Variants in DNER observed in about 807,000 individuals in gnomAD.
DNER encodes the protein delta/notch like EGF repeat containing.
A neutral mutation model predicts 78.2 loss-of-function variants in DNER; 33 were observed. That is an observed-to-expected ratio of 0.42 (90% confidence interval 0.32 to 0.56). The LOEUF (loss-of-function observed/expected upper bound fraction) is 0.56. DNER is among the 20% of genes least tolerant of loss of function. The pLI, the probability that DNER is intolerant of heterozygous loss-of-function variation, is 0.11. For missense variants in DNER, 918 were observed against 975.3 expected (o/e 0.94, Z 0.78); for synonymous variants, 417 against 384.8 (o/e 1.08, Z -0.98).
chr2:229,387,591 A>AAG (rs1692918203), intron 11 of DNER, among the ~76,000 whole-genome samples: 1 of 151,558 alleles, frequency 6.6e-6, no homozygotes, highest in Admixed American at 6.6e-5. Context: ...AAGGAAGGAA[A>AAG]GAAGGAAAGG....
chr2:229,592,297 G>A (rs1441399122), intron 1 of DNER, among the ~76,000 whole-genome samples: 1 of 152,166 alleles, frequency 6.6e-6, no homozygotes, highest in African/African-American at 2.4e-5. Context: ...TTCTGGACCT[G>A]TGCAAGGTCT....
intron 4 of DNER, among the ~76,000 whole-genome samples, chr2:229,564,295 ATCCTCC>A (rs1225762985): frequency 2.1e-5 from 3 of 145,862 alleles, no homozygotes; most frequent in South Asian, 2.2e-4. Flanking sequence ...CACCATCATC[ATCCTCC>A]TCACCCCATC....
chr2:229,623,869 C>T (rs549625287), intron 1 of DNER, among the ~76,000 whole-genome samples: 30 of 152,340 alleles, frequency 2.0e-4, no homozygotes, highest in Non-Finnish European at 3.5e-4. Flanking sequence ...ACACATTCCT[C>T]TCTAAGAATC....
At chr2:229,506,865 A>G (rs1218060531) in intron 6 of DNER, among the ~76,000 whole-genome samples, 1 of 152,202 alleles carries the variant, frequency 6.6e-6, no homozygotes, top group Non-Finnish European at 1.5e-5. Context: ...TGAAAGTCAA[A>G]GTATTACAAT....
At chr2:229,568,791 C>T (rs573885452) in intron 4 of DNER, among the ~76,000 whole-genome samples, 14 of 152,226 alleles carry the variant, frequency 9.2e-5, no homozygotes, top group Non-Finnish European at 1.9e-4. Flanking sequence ...TAAACTCCTA[C>T]GCTCAGGCAA....
chr2:229,707,180 ATTTTTTTT>A (rs397868353), intron 1 of DNER, among the ~76,000 whole-genome samples: 60 of 94,610 alleles, frequency 6.3e-4, no homozygotes, highest in Admixed American at 1.5e-3. Flanking sequence ...CGGCTGGCTA[ATTTTTTTT>A]TTTTTTTTTT....
intron 10 of DNER, among the ~76,000 whole-genome samples, chr2:229,406,828 T>C (rs1356818061): frequency 8.5e-5 from 13 of 152,238 alleles, no homozygotes; most frequent in East Asian, 1.9e-4. Flanking sequence ...GACACTTTTA[T>C]ATCTTGCAAT....
chr2:229,658,671 G>A (rs1202658878), intron 1 of DNER, among the ~76,000 whole-genome samples: 1 of 151,760 alleles, frequency 6.6e-6, no homozygotes, highest in African/African-American at 2.4e-5. Context: ...TTGAATAAAA[G>A]ATGTATTTTA....
intron 1 of DNER, among the ~76,000 whole-genome samples, chr2:229,664,399 G>A (rs1268852166): frequency 2.6e-5 from 4 of 152,114 alleles, no homozygotes; most frequent in Non-Finnish European, 5.9e-5. Context: ...TCCCAGCACT[G>A]CGGGAGGCCA....
intron 7 of DNER, among the ~76,000 whole-genome samples, chr2:229,469,149 C>T (rs1411291167): frequency 2.0e-5 from 3 of 152,170 alleles, no homozygotes; most frequent in Admixed American, 6.5e-5. Context: ...TTTCTACATG[C>T]CAGATGCTTT....
intron 6 of DNER, among the ~76,000 whole-genome samples, chr2:229,510,653 G>A (rs973095951): frequency 7.9e-5 from 12 of 152,228 alleles, no homozygotes; most frequent in African/African-American, 2.9e-4. Context: ...AACGCTGGAA[G>A]ACGAGCTGTG....
chr2:229,360,351 T>C (rs557808029), intron 12 of DNER, among the ~76,000 whole-genome samples: 1 of 152,354 alleles, frequency 6.6e-6, no homozygotes, highest in Admixed American at 6.5e-5. Context: ...AACTAACTAA[T>C]TATTCGATTG....
chr2:229,359,328 G>A (rs192104352), intron 12 of DNER, among the ~76,000 whole-genome samples: 92 of 152,286 alleles, frequency 6.0e-4, no homozygotes, highest in African/African-American at 2.2e-3. Flanking sequence ...CTCGACAGCA[G>A]GACTGCCTCT....
intron 1 of DNER, among the ~76,000 whole-genome samples, chr2:229,625,626 T>A (rs1698325471): frequency 6.6e-6 from 1 of 152,190 alleles, no homozygotes. Flanking sequence ...GCTTACAGAT[T>A]ATATAAGTTG....
intron 4 of DNER, among the ~76,000 whole-genome samples, chr2:229,573,067 G>A (rs553583055): frequency 1.3e-5 from 2 of 152,158 alleles, no homozygotes; most frequent in African/African-American, 2.4e-5. Context: ...AGCAGATGAC[G>A]TGATCCCTGT....
chr2:229,517,143 A>C (rs1240945774), intron 5 of DNER, among the ~76,000 whole-genome samples: 1 of 151,350 alleles, frequency 6.6e-6, no homozygotes, highest in Non-Finnish European at 1.5e-5. Context: ...AAAATTAATA[A>C]AAGGAAACTT....
chr2:229,711,540 T>C (rs1438977646), intron 1 of DNER, among the ~76,000 whole-genome samples: 1 of 152,196 alleles, frequency 6.6e-6, no homozygotes, highest in African/African-American at 2.4e-5. Flanking sequence ...AAGACATCCT[T>C]TTTTAAAAAA....
intron 1 of DNER, among the ~76,000 whole-genome samples, chr2:229,650,443 AT>A (rs1488651544): frequency 6.6e-6 from 1 of 152,206 alleles, no homozygotes; most frequent in African/African-American, 2.4e-5. Context: ...CATTTCCGTA[AT>A]TTGGCAAACT....
intron 11 of DNER, among the ~76,000 whole-genome samples, chr2:229,375,443 C>T (rs777715768): frequency 1.9e-4 from 29 of 152,152 alleles, no homozygotes; most frequent in Non-Finnish European, 8.8e-5. Context: ...GCATTCTTTC[C>T]ACTCAATCAG....
Sources: allele counts gnomAD v4.1 joint callset (sites outside exome capture counted in the v4.1 genomes callset), GRCh38; gene constraint gnomAD v4.1.1; transcripts MANE v1.5; gene names NCBI Gene and HGNC (gene_info 2026-07-23, HGNC 2026-07-21).